GPR158: variants seen among roughly 807,000 people sequenced by gnomAD.
GPR158 encodes metabotropic glycine receptor.
In GPR158, 30 loss-of-function variants were observed where a neutral mutation model predicts 78.2. The observed-to-expected ratio is 0.38, with a 90% CI of 0.29 to 0.52. The LOEUF (loss-of-function observed/expected upper bound fraction) is 0.52. Among genes scored for constraint, GPR158 ranks in the 20% least tolerant of loss-of-function variants. The pLI, the probability that GPR158 is intolerant of heterozygous loss-of-function variation, is 0.83. For synonymous variants in GPR158, 581 were observed against 591.1 expected, an observed-to-expected ratio of 0.98 and a Z score of 0.25; for missense variants, 1,463 against 1,523.5, an observed-to-expected ratio of 0.96 and a Z score of 0.66.
intron 5 of GPR158, among the ~76,000 whole-genome samples, chr10:25,502,278 C>T (rs1255328115): frequency 6.6e-6 from 1 of 152,164 alleles, no homozygotes; most frequent in Non-Finnish European, 1.5e-5. Context: ...GGTATTTCCA[C>T]CATCAACCAC....
chr10:25,444,078 A>G (rs1174816966), intron 4 of GPR158, among the ~76,000 whole-genome samples: 1 of 150,550 alleles, frequency 6.6e-6, no homozygotes, highest in East Asian at 1.9e-4. Context: ...GCAAGTTGTG[A>G]CAATCAAAAA....
At chr10:25,208,219 A>G (rs903417054) in intron 1 of GPR158, among the ~76,000 whole-genome samples, 2 of 152,228 alleles carry the variant, frequency 1.3e-5, no homozygotes, top group Non-Finnish European at 2.9e-5. Flanking sequence ...TAATATGCCA[A>G]TAATGATAAT....
intron 2 of GPR158, among the ~76,000 whole-genome samples, chr10:25,324,831 C>CTTTCTT (rs746272253): frequency 8.0e-6 from 1 of 125,390 alleles, no homozygotes; most frequent in Non-Finnish European, 1.6e-5. Context: ...TTTTTTCTTT[C>CTTTCTT]TTTTTTTTTT....
At chr10:25,256,390 G>A (rs957174275) in intron 2 of GPR158, among the ~76,000 whole-genome samples, 9 of 152,230 alleles carry the variant, frequency 5.9e-5, no homozygotes, top group Middle Eastern at 3.4e-3. Context: ...AGTGGCTAAC[G>A]CCTATAAACT....
chr10:25,266,739 T>C (rs535754489), intron 2 of GPR158, among the ~76,000 whole-genome samples: 4 of 152,166 alleles, frequency 2.6e-5, no homozygotes, highest in Admixed American at 1.3e-4. Context: ...AATAAGTGAA[T>C]GATAATATTC....
chr10:25,279,142 A>C (rs1416537994), intron 2 of GPR158, among the ~76,000 whole-genome samples: 1 of 151,958 alleles, frequency 6.6e-6, no homozygotes. Flanking sequence ...AAATGACAAC[A>C]CTACTACTAC....
At chr10:25,589,230 A>T in intron 8 of GPR158, 85 bp downstream of exon 8, 1 of 902,198 alleles carries the variant, frequency 1.1e-6, no homozygotes, top group East Asian at 2.5e-5. Context: ...TAAGATGCAT[A>T]ATAGAAAGAC....
At chr10:25,548,667 A>C (rs1241543261) in intron 5 of GPR158, among the ~76,000 whole-genome samples, 3 of 152,208 alleles carry the variant, frequency 2.0e-5, no homozygotes, top group Non-Finnish European at 4.4e-5. Flanking sequence ...GGGAGACTGG[A>C]TTCAAAGCCT....
intron 5 of GPR158, among the ~76,000 whole-genome samples, chr10:25,484,818 T>C (rs1185549760): frequency 6.6e-6 from 1 of 152,174 alleles, no homozygotes; most frequent in African/African-American, 2.4e-5. Flanking sequence ...AATTTTCCCA[T>C]GCAGGTCCAG....
intron 1 of GPR158, among the ~76,000 whole-genome samples, chr10:25,211,000 C>A (rs778096048): frequency 6.6e-6 from 1 of 151,938 alleles, no homozygotes; most frequent in Non-Finnish European, 1.5e-5. Context: ...GGTGTGGTGG[C>A]AGGCGCCTGT....
intron 4 of GPR158, among the ~76,000 whole-genome samples, chr10:25,437,824 G>C (rs745780987): frequency 6.6e-6 from 1 of 152,148 alleles, no homozygotes; most frequent in Non-Finnish European, 1.5e-5. Flanking sequence ...TGTCTCTGAG[G>C]TAAGCAAAAA....
chr10:25,186,437 G>GT (rs1442730131), intron 1 of GPR158, among the ~76,000 whole-genome samples: 2 of 151,972 alleles, frequency 1.3e-5, no homozygotes, highest in African/African-American at 4.8e-5. Context: ...TCCAGGAGCT[G>GT]TTTTTTTGAA....
At chr10:25,255,002 G>A (rs1798851268) in intron 2 of GPR158, among the ~76,000 whole-genome samples, 1 of 152,164 alleles carries the variant, frequency 6.6e-6, no homozygotes, top group African/African-American at 2.4e-5. Flanking sequence ...CTTGCTGCAG[G>A]TTTTGTAATG....
At chr10:25,349,456 G>A (rs931692083) in intron 2 of GPR158, among the ~76,000 whole-genome samples, 2 of 131,958 alleles carry the variant, frequency 1.5e-5, no homozygotes, top group Non-Finnish European at 3.0e-5. Flanking sequence ...GTTGGAGGAA[G>A]GACCTGGTGG....
intron 6 of GPR158, among the ~76,000 whole-genome samples, chr10:25,568,904 C>A (rs1340398584): frequency 2.0e-5 from 3 of 152,154 alleles, no homozygotes; most frequent in African/African-American, 7.2e-5. Flanking sequence ...GTGGAAAAGT[C>A]ATCCATATAG....
Position 25,220,045 on chromosome 10 carries a change from G to C in GPR158, c.903-1007G>C, listed in dbSNP as rs142777333. On this transcript the variant is annotated intron_variant, in intron 1 of 10. Transcript: ENST00000376351. ...GGCTACTTTTATATTTTATGTATAT[G>C]AGTGATATCATAATGAAAAATTGTT... Among the ~76,000 whole-genome samples the C allele has an allele frequency of 1.1e-4, 17 of 152,240 alleles. No individual in the cohort carries two copies. The East Asian group carries it at 2.3e-3, about 21-fold the overall frequency.
At chr10:25,329,838 C>G (rs1247895573) in intron 2 of GPR158, among the ~76,000 whole-genome samples, 1 of 151,954 alleles carries the variant, frequency 6.6e-6, no homozygotes, top group East Asian at 1.9e-4. Context: ...TTATCGTAAG[C>G]GTCTATACTT....
intron 2 of GPR158, among the ~76,000 whole-genome samples, chr10:25,238,557 C>A (rs996768322): frequency 6.6e-5 from 10 of 152,286 alleles, no homozygotes; most frequent in Admixed American, 2.6e-4. Context: ...GCATTTTTAA[C>A]TGCTTATGAT....
intron 4 of GPR158, among the ~76,000 whole-genome samples, chr10:25,429,323 G>A (rs1000501494): frequency 6.6e-6 from 1 of 152,038 alleles, no homozygotes; most frequent in Non-Finnish European, 1.5e-5. Flanking sequence ...TCACTAAAAT[G>A]CTAGAAGAAG....
Sources: allele counts gnomAD v4.1 joint callset (sites outside exome capture counted in the v4.1 genomes callset), GRCh38; gene constraint gnomAD v4.1.1; transcripts MANE v1.5; gene names NCBI Gene and HGNC (gene_info 2026-07-23, HGNC 2026-07-21).